The following USP48 variants were observed in gnomAD, a reference collection of about 807,000 sequenced individuals.
USP48 encodes ubiquitin carboxyl-terminal hydrolase 48.
Under a neutral mutation model 150.7 loss-of-function variants are expected in USP48, and 43 were observed. The observed-to-expected ratio is 0.29, with a 90% CI of 0.22 to 0.37. The LOEUF is 0.37. Among genes scored for constraint, USP48 ranks in the 10% least tolerant of loss-of-function variants. The pLI is 1.00. For synonymous variants in USP48, 396 were observed against 425.9 expected (o/e 0.93, Z 0.86); for missense variants, 813 against 1,249.6 (o/e 0.65, Z 5.27).
rs61761596 is a variant in USP48 at position 21,724,015 on chromosome 1, C to T, written c.1531G>A (p.Ala511Thr). 5 of 1,613,976 alleles carry T rather than the reference C, an allele frequency of 3.1e-6. No individual in the cohort carries two copies. Among genetic ancestry groups the T allele is most frequent in the Non-Finnish European group, 4.2e-6 (5 of 1,180,022 alleles). The change falls in exon 12 of 27, where the codon GCT (alanine) becomes ACT (threonine). Residue 511 changes from alanine (A) to threonine (T), a missense_variant. Physicochemically the swap from Ala to Thr is moderately conservative, Grantham distance 58. Coordinates refer to ENST00000308271, the MANE Select transcript of USP48 (RefSeq NM_032236.8). The part of the protein sequence containing the change: ...STPTKPIDNH[A>T]CLCSHDKLHP... ...AGCTTGTCATGGGAACACAGGCAAG[C>T]GTGATTATCAATAGGTTTGGTAGGT... is the stretch of plus-strand genomic sequence containing the variant.
chr1:21,693,675 C>T (rs1329938211), intron 23 of USP48, among the ~76,000 whole-genome samples: 1 of 152,192 alleles, frequency 6.6e-6, no homozygotes, highest in Non-Finnish European at 1.5e-5. Flanking sequence ...GGGGCTCTTT[C>T]TGTAATTTAA....
intron 15 of USP48, among the ~76,000 whole-genome samples, chr1:21,708,880 G>T (rs1380074856): frequency 5.3e-5 from 4 of 75,056 alleles, no homozygotes; most frequent in Non-Finnish European, 1.0e-4. Context: ...GCAAGACTCC[G>T]TCTCAAAAAA....
At chr1:21,724,301 T>A in intron 11 of USP48, 2 of 620,644 alleles carry the variant, frequency 3.2e-6, no homozygotes, top group Non-Finnish European at 2.8e-6. Context: ...CTGTGCACCA[T>A]AATGCTGAGT....
At chr1:21,765,585 C>A (rs1206379026) in intron 1 of USP48, among the ~76,000 whole-genome samples, 15 of 144,930 alleles carry the variant, frequency 1.0e-4, no homozygotes, top group African/African-American at 3.4e-4. Context: ...CCACTGCACT[C>A]AAGTCTGGGT....
intron 5 of USP48, 22 bp downstream of exon 5, chr1:21,752,505 G>C: frequency 6.2e-7 from 1 of 1,602,890 alleles, no homozygotes; most frequent in East Asian, 2.2e-5. Context: ...AATGTACCAT[G>C]AAAAAGTTGA....
intron 26 of USP48, among the ~76,000 whole-genome samples, chr1:21,680,288 G>C (rs2097562305): frequency 6.6e-6 from 1 of 152,160 alleles, no homozygotes; most frequent in Admixed American, 6.5e-5. Context: ...AATATTATCG[G>C]TGTGCACAAC....
At chr1:21,737,245 AC>A (rs1023206354) in intron 8 of USP48, among the ~76,000 whole-genome samples, 4 of 152,170 alleles carry the variant, frequency 2.6e-5, no homozygotes, top group Non-Finnish European at 2.9e-5. Context: ...TCACATTAGC[AC>A]CTTCAGATCA....
At chr1:21,684,476 T>A (rs180837703) in intron 25 of USP48, among the ~76,000 whole-genome samples, 4 of 152,330 alleles carry the variant, frequency 2.6e-5, no homozygotes, top group African/African-American at 9.6e-5. Context: ...TGAGATTATA[T>A]TTTCTCCCAT....
At chr1:21,737,913 C>T (rs1240759065) in intron 8 of USP48, among the ~76,000 whole-genome samples, 28 of 145,926 alleles carry the variant, frequency 1.9e-4, no homozygotes, top group African/African-American at 6.2e-4. Flanking sequence ...TTTTTTTTTT[C>T]CCTGAGACGG....
intron 1 of USP48, among the ~76,000 whole-genome samples, chr1:21,765,574 G>A (rs950489575): frequency 2.7e-5 from 4 of 149,484 alleles, no homozygotes; most frequent in African/African-American, 4.9e-5. Context: ...CCGAGATCAC[G>A]CCACTGCACT....
At chr1:21,753,173 C>T in intron 3 of USP48, 54 bp from the exon 4 acceptor site, 2 of 1,545,936 alleles carry the variant, frequency 1.3e-6, no homozygotes, top group Non-Finnish European at 1.7e-6. Context: ...CTTTTCTTTC[C>T]AAAAAATGGT....
chr1:21,706,211 A>T, intron 17 of USP48, 24 bp from the exon 18 acceptor site: 1 of 1,610,544 alleles, frequency 6.2e-7, no homozygotes. Flanking sequence ...ATCACAAAAC[A>T]GTATCCGTCA....
In USP48 at chr1:21,688,021, G is replaced by A. The variant is rs1339197941; in HGVS notation, c.3010-782C>T. On this transcript the variant is annotated intron_variant, in intron 24 of 26. Transcript: ENST00000308271. ...GGGCCTAACTTTATCACACCAGAAC[G>A]GGGGCTCCAAGGTTTGAAAAGCATA... Among the ~76,000 whole-genome samples the A allele has an allele frequency of 4.6e-5, 7 of 152,072 alleles. No homozygotes were observed. In the South Asian group the frequency reaches 6.2e-4, roughly 14 times the overall value.
chr1:21,724,259 C>T (rs957291618), intron 11 of USP48, 164 bp from the exon 12 acceptor site: 6 of 695,262 alleles, frequency 8.6e-6, no homozygotes, highest in African/African-American at 7.1e-5. Flanking sequence ...CACAAAGCTC[C>T]AGTTAAGTGC....
intron 1 of USP48, among the ~76,000 whole-genome samples, chr1:21,775,461 A>C (rs974201104): frequency 6.6e-6 from 1 of 151,982 alleles, no homozygotes; most frequent in Non-Finnish European, 1.5e-5. Context: ...TGCCATGTTG[A>C]CCAGACTGGT....
At chr1:21,705,588 A>G (rs540369533) in intron 19 of USP48, 139 bp downstream of exon 19, 443 of 581,514 alleles carry the variant, frequency 7.6e-4, no homozygotes, top group Non-Finnish European at 1.1e-3. Flanking sequence ...TTAAAAGGGG[A>G]AAAAAAAACC....
chr1:21,679,606 C>T (rs990515726), intron 26 of USP48, among the ~76,000 whole-genome samples, 167 bp from the exon 27 acceptor site: 2 of 152,220 alleles, frequency 1.3e-5, no homozygotes, highest in Admixed American at 6.5e-5. Context: ...AGACTCCAGG[C>T]TCTCCGCTAA....
At chr1:21,713,190 G>A (rs113710198) in intron 15 of USP48, among the ~76,000 whole-genome samples, 185 of 151,778 alleles carry the variant, frequency 1.2e-3, no homozygotes, top group African/African-American at 4.2e-3. Context: ...CTGCAGCCTC[G>A]ACCTCCTGGG....
intron 1 of USP48, among the ~76,000 whole-genome samples, chr1:21,779,035 C>T (rs1355863544): frequency 2.6e-5 from 4 of 151,910 alleles, no homozygotes; most frequent in African/African-American, 7.2e-5. Context: ...CCAGCCTTGG[C>T]CTCCCACAGT....
Sources: gnomAD v4.1 joint callset for allele counts (sites outside exome capture counted in the v4.1 genomes callset) on GRCh38, gnomAD v4.1.1 for gene constraint, MANE v1.5 for transcripts, NCBI Gene and HGNC (gene_info 2026-07-23, HGNC 2026-07-21) for gene names.